GPHN: variants seen among roughly 807,000 people sequenced by gnomAD.
GPHN encodes gephyrin.
In GPHN, 17 loss-of-function variants were observed where a neutral mutation model predicts 95.5. The ratio of observed to expected loss-of-function variants is 0.18; its 90% CI spans 0.12 to 0.27. The LOEUF (loss-of-function observed/expected upper bound fraction) is 0.27. Ranked by LOEUF, GPHN falls within the 10% of genes least tolerant of loss-of-function variation. GPHN has a pLI of 1.00. For missense variants in GPHN, 660 were observed against 978.1 expected, an observed-to-expected ratio of 0.67 and a Z score of 4.34; for synonymous variants, 320 against 322.5, an observed-to-expected ratio of 0.99 and a Z score of 0.08.
At chr14:66,972,641 T>G (rs917255783) in intron 9 of GPHN, among the ~76,000 whole-genome samples, 6 of 151,644 alleles carry the variant, frequency 4.0e-5, no homozygotes, top group Non-Finnish European at 7.4e-5. Context: ...AAGGGCCAAG[T>G]TTTAATTAAT....
intron 1 of GPHN, among the ~76,000 whole-genome samples, chr14:66,521,805 G>A (rs1329253037): frequency 2.0e-5 from 3 of 152,112 alleles, no homozygotes; most frequent in East Asian, 3.9e-4. Flanking sequence ...GGAGGGGGAC[G>A]CACACATTCA....
intron 3 of GPHN, among the ~76,000 whole-genome samples, chr14:66,813,032 C>A (rs2060823515): frequency 6.6e-6 from 1 of 152,128 alleles, no homozygotes; most frequent in Non-Finnish European, 1.5e-5. Context: ...TTTAAGAGTT[C>A]TATAAACTAC....
At chr14:67,366,575 G>A in the GPHN span, among the ~76,000 whole-genome samples, 8 of 152,320 alleles carry the variant, frequency 5.3e-5, no homozygotes, top group East Asian at 1.9e-4. Context: ...GTACAAATGC[G>A]TGCAATGCAA....
chr14:67,703,891 T>G, the GPHN span, among the ~76,000 whole-genome samples: 1 of 152,292 alleles, frequency 6.6e-6, no homozygotes, highest in Non-Finnish European at 1.5e-5. Flanking sequence ...TTGCCCAGGC[T>G]GGTCTCAAAC....
At chr14:66,529,653 T>TG (rs958291213) in intron 1 of GPHN, among the ~76,000 whole-genome samples, 7 of 152,292 alleles carry the variant, frequency 4.6e-5, no homozygotes, top group African/African-American at 1.7e-4. Flanking sequence ...GGTCTGTGAG[T>TG]GGACGTCCTT....
intron 5 of GPHN, among the ~76,000 whole-genome samples, chr14:66,904,248 G>A (rs1261149467): frequency 1.3e-5 from 2 of 152,098 alleles, no homozygotes; most frequent in African/African-American, 4.8e-5. Context: ...ACCTTCCACA[G>A]GGTGGAAGGG....
the GPHN span, among the ~76,000 whole-genome samples, chr14:67,192,246 T>A: frequency 2.0e-5 from 3 of 152,192 alleles, no homozygotes; most frequent in African/African-American, 4.8e-5. Flanking sequence ...TACACAATCG[T>A]GATAGAATAA....
chr14:66,746,304 C>G (rs574199878), intron 2 of GPHN, among the ~76,000 whole-genome samples: 2 of 152,272 alleles, frequency 1.3e-5, no homozygotes, highest in African/African-American at 4.8e-5. Flanking sequence ...AATCAATTGT[C>G]TTATCCCATG....
the GPHN span, among the ~76,000 whole-genome samples, chr14:67,331,829 A>G: frequency 6.6e-6 from 1 of 152,196 alleles, no homozygotes; most frequent in African/African-American, 2.4e-5. Context: ...GGTAGACATA[A>G]GTTTTAGCAA....
intron 18 of GPHN, among the ~76,000 whole-genome samples, chr14:67,152,412 T>A (rs1379861592): frequency 1.3e-5 from 2 of 152,186 alleles, no homozygotes; most frequent in Non-Finnish European, 2.9e-5. Context: ...TGTAAAAAAA[T>A]TATGAATCTC....
At chr14:67,389,706 G>A in the GPHN span, among the ~76,000 whole-genome samples, 1 of 151,728 alleles carries the variant, frequency 6.6e-6, no homozygotes, top group African/African-American at 2.4e-5. Flanking sequence ...AGACTCATCA[G>A]GGGCACAAAG....
intron 17 of GPHN, among the ~76,000 whole-genome samples, chr14:67,139,791 G>T (rs1304285262): frequency 6.6e-6 from 1 of 152,122 alleles, no homozygotes; most frequent in African/African-American, 2.4e-5. Context: ...CAACAGAAAG[G>T]AGAGTTACAG....
chr14:66,964,185 A>G (rs1394995297), intron 8 of GPHN, among the ~76,000 whole-genome samples: 1 of 152,114 alleles, frequency 6.6e-6, no homozygotes, highest in Admixed American at 6.6e-5. Context: ...TAGAATAATG[A>G]TAATTACATT....
At chr14:67,009,511 G>A (rs980102357) in intron 9 of GPHN, among the ~76,000 whole-genome samples, 1 of 151,784 alleles carries the variant, frequency 6.6e-6, no homozygotes, top group Non-Finnish European at 1.5e-5. Context: ...ATGGGTCTAG[G>A]GTTACAGACT....
At chr14:66,573,014 A>C (rs1446650922) in intron 1 of GPHN, among the ~76,000 whole-genome samples, 1 of 152,126 alleles carries the variant, frequency 6.6e-6, no homozygotes, top group Non-Finnish European at 1.5e-5. Flanking sequence ...ATTTCCACAT[A>C]GTTGTGGTTT....
At chr14:66,905,046 A>G (rs992363971) in intron 5 of GPHN, among the ~76,000 whole-genome samples, 1 of 152,134 alleles carries the variant, frequency 6.6e-6, no homozygotes, top group African/African-American at 2.4e-5. Context: ...CTTGAACATC[A>G]ATAAAATAAT....
the GPHN span, among the ~76,000 whole-genome samples, chr14:67,591,414 A>G: frequency 7.2e-5 from 11 of 152,254 alleles, no homozygotes; most frequent in Non-Finnish European, 1.3e-4. Flanking sequence ...ACAATGCAAA[A>G]TAATTTTTGG....
chr14:67,584,164 T>A, the GPHN span: 1 of 1,594,894 alleles, frequency 6.3e-7, no homozygotes, highest in African/African-American at 1.3e-5. Flanking sequence ...CCCTTAGGTG[T>A]GTCCCCAACT....
At chr14:66,979,434 T>C (rs1279484524) in intron 9 of GPHN, among the ~76,000 whole-genome samples, 2 of 152,246 alleles carry the variant, frequency 1.3e-5, no homozygotes, top group African/African-American at 2.4e-5. Context: ...ATTGCTCTTA[T>C]GTTATAGAGA....
Sources: allele counts gnomAD v4.1 joint callset (sites outside exome capture counted in the v4.1 genomes callset), GRCh38; gene constraint gnomAD v4.1.1; transcripts MANE v1.5; gene names NCBI Gene and HGNC (gene_info 2026-07-23, HGNC 2026-07-21).